Variants in CSTF3 observed in about 807,000 individuals in gnomAD.
The protein encoded by CSTF3 is cleavage stimulation factor subunit 3, also known as CF-1 77 kDa subunit.
A neutral mutation model predicts 105.8 loss-of-function variants in CSTF3; 29 were observed. That is an observed-to-expected ratio of 0.27 (90% CI 0.20 to 0.37). The LOEUF is 0.37. Among genes scored for constraint, CSTF3 ranks in the 10% least tolerant of loss-of-function variants. The pLI, the probability that CSTF3 is intolerant of heterozygous loss-of-function variation, is 1.00. For missense variants in CSTF3, 357 were observed against 879.3 expected, an observed-to-expected ratio of 0.41 and a Z score of 7.51; for synonymous variants, 252 against 281.9, an observed-to-expected ratio of 0.89 and a Z score of 1.06.
intron 1 of CSTF3, among the ~76,000 whole-genome samples, chr11:33,148,419 G>A (rs1049380308): frequency 9.9e-5 from 15 of 152,180 alleles, no homozygotes; most frequent in East Asian, 1.9e-4. Flanking sequence ...ATGGCTCATC[G>A]GGTGCAGTGG....
intron 14 of CSTF3, 24 bp from the exon 15 acceptor site, chr11:33,096,432 C>T (rs1855223823): frequency 4.2e-6 from 6 of 1,426,948 alleles, no homozygotes; most frequent in Non-Finnish European, 5.8e-6. Context: ...AAGTAAAGTA[C>T]AGATTTCCAT....
At chr11:33,098,969 G>GA (rs1028359266) in intron 12 of CSTF3, 65 bp downstream of exon 12, 89 of 1,519,866 alleles carry the variant, frequency 5.9e-5, no homozygotes, top group Non-Finnish European at 7.4e-5. Context: ...CAAGCAGCCA[G>GA]AAAAAAAGTT....
At chr11:33,096,263 G>T in intron 15 of CSTF3, 43 bp downstream of exon 15, 2 of 1,269,724 alleles carry the variant, frequency 1.6e-6, no homozygotes, top group Non-Finnish European at 1.1e-6. Flanking sequence ...ATTCCACATG[G>T]TTTAATATTA....
rs1194360674 is a variant in CSTF3, at chr11:33,157,321, C to CGGT, written c.27+3977_27+3978insACC. ...AGTGAGCCGAGACCGTGCCACTGCACTCCAGCCTGGGCAACAGAGCAAGAC... is the reference window on the plus strand; with the variant it reads ...AGTGAGCCGAGACCGTGCCACTGCACGGTTCCAGCCTGGGCAACAGAGCAAGAC... On this transcript the variant is annotated intron_variant, in intron 1 of 20. Coordinates refer to ENST00000323959, the MANE Select transcript of CSTF3 (RefSeq NM_001326.3). Among the ~76,000 whole-genome samples the CGGT allele has an allele frequency of 8.7e-3, 1,322 of 152,230 alleles. 19 individuals carry two copies. The highest frequency in any genetic ancestry group is 0.03 in the African/African-American group (1,235 of 41,540).
At chr11:33,121,259 TTC>T (rs1855486510) in intron 3 of CSTF3, among the ~76,000 whole-genome samples, 1 of 152,016 alleles carries the variant, frequency 6.6e-6, no homozygotes, top group South Asian at 2.1e-4. Flanking sequence ...AGACGTGAAT[TTC>T]TTTTTTCTAA....
intron 15 of CSTF3, among the ~76,000 whole-genome samples, chr11:33,093,568 C>T (rs1428360653): frequency 6.6e-6 from 1 of 152,132 alleles, no homozygotes; most frequent in Admixed American, 6.6e-5. Context: ...ATTTAATCAA[C>T]CTAATATATC....
chr11:33,150,219 T>TAAAAAAAAAAAA (rs10714096), intron 1 of CSTF3, among the ~76,000 whole-genome samples: 3 of 104,358 alleles, frequency 2.9e-5, no homozygotes, highest in East Asian at 2.8e-4. Context: ...TGTCTCAAAC[T>TAAAAAAAAAAAA]AAAAAAAAAA....
At position 33,086,007 on chromosome 11, in the gene CSTF3, G is replaced by A. The variant is rs773457140; in HGVS notation, c.1796-18C>T. On this transcript the variant is annotated intron_variant, in intron 18 of 20. Transcript: ENST00000323959. ...ACCTGGAGCTGTGAGAAAAAGAAAA[G>A]TATGAATCAAGTGGAATGGAAGAAT... 2.9e-5 allele frequency: 41 copies of A among 1,436,410 alleles called. No individual in the cohort carries two copies. The highest frequency in any genetic ancestry group is 3.7e-5 in the Non-Finnish European group (40 of 1,084,320). 89.0% of individuals were successfully genotyped at this position (1,436,410 alleles called of 1,614,324 possible).
chr11:33,104,059 T>C (rs973687839), intron 8 of CSTF3, among the ~76,000 whole-genome samples: 18 of 152,326 alleles, frequency 1.2e-4, no homozygotes, highest in African/African-American at 4.1e-4. Context: ...ACTCCTGGCC[T>C]CAGGCAATCC....
intron 3 of CSTF3, among the ~76,000 whole-genome samples, chr11:33,112,070 G>A (rs987215994): frequency 5.5e-4 from 84 of 152,074 alleles, no homozygotes; most frequent in African/African-American, 1.9e-3. Flanking sequence ...CCTGGCCAAC[G>A]TGATGAAACC....
In CSTF3 at chr11:33,158,475, A is replaced by C. The variant is rs114738014; in HGVS notation, c.27+2824T>G. 1.7e-3 allele frequency among the ~76,000 whole-genome samples: 266 copies of C among 152,330 alleles called. 1 individual carries two copies. Among genetic ancestry groups the C allele is most frequent in the African/African-American group, 4.8e-3 (201 of 41,578 alleles). On this transcript the variant is annotated intron_variant, in intron 1 of 20. Coordinates refer to ENST00000323959, the MANE Select transcript of CSTF3 (RefSeq NM_001326.3). ...GAATTGTGGGTTTTAAAAACAAAAC[A>C]AAACCACCATTTGCTACTTCCAATG...
intron 3 of CSTF3, among the ~76,000 whole-genome samples, chr11:33,126,495 T>G (rs567977616): frequency 2.0e-5 from 3 of 152,122 alleles, no homozygotes; most frequent in Non-Finnish European, 4.4e-5. Context: ...TACATCAACA[T>G]AATTCTAAAT....
intron 1 of CSTF3, among the ~76,000 whole-genome samples, chr11:33,155,692 GT>G (rs1416897056): frequency 2.0e-5 from 3 of 152,082 alleles, no homozygotes; most frequent in Admixed American, 6.6e-5. Context: ...TCTAAAGATA[GT>G]TTAAACAACT....
intron 1 of CSTF3, 23 bp downstream of exon 1, chr11:33,161,276 G>A (rs1467312366): frequency 1.2e-6 from 2 of 1,612,762 alleles, no homozygotes; most frequent in East Asian, 4.5e-5. Flanking sequence ...TCGCCACGAG[G>A]CCCCACCACT....
In CSTF3 at chr11:33,099,263, A is replaced by T; in HGVS notation, c.937-113T>A. ...TATTTATGTGTCTAAGAAAGCATAC[A>T]TGTATGTACACACATATATATGTAT... On this transcript the variant is annotated intron_variant, in intron 11 of 20. Coordinates refer to ENST00000323959, the MANE Select transcript of CSTF3 (RefSeq NM_001326.3). The surrounding 1 kb of genome is among the most constrained non-coding windows in gnomAD (Gnocchi z 4.1). 1 of 1,246,618 alleles carries T rather than the reference A, an allele frequency of 8.0e-7. No individual in the cohort carries two copies. Among genetic ancestry groups the T allele is most frequent in the Non-Finnish European group, 1.1e-6 (1 of 904,784 alleles). The allele number at this position is 1,246,618 out of a possible 1,614,324, so 77.2% of individuals were successfully genotyped here. A position where few individuals can be genotyped will look rare whatever the true frequency, so the allele number is the denominator to read the frequency against.
rs1406964078 is a variant in CSTF3 at position 33,096,286 on chromosome 11, A to G, written c.1375+20T>C. The G allele has an allele frequency of 1.4e-6, 2 of 1,394,114 alleles. No homozygotes were observed. Among genetic ancestry groups the G allele is most frequent in the African/African-American group, 3.0e-5 (2 of 67,690 alleles). 86.4% of individuals were successfully genotyped at this position (1,394,114 alleles called of 1,614,324 possible). A position where few individuals can be genotyped will look rare whatever the true frequency, so the allele number is the denominator to read the frequency against. On this transcript the variant is annotated intron_variant, in intron 15 of 20. Transcript: ENST00000323959. ...TGGTTTAATATTAAGTAATCATTAT[A>G]GATTCTAGAATCAACCTACCATTGA...
chr11:33,108,404 AT>A lies in CSTF3; in HGVS notation c.239del (p.Asn80IlefsTer14). ...LYIEAEIKAK[N>X]YDKVEKLFQR... ...GACTCACCTTTTCAACCTTGTCATA[AT>A]TTTTAGCTTTAATCTGAAGAGAAAC... On this transcript the variant is annotated frameshift_variant, in exon 4 of 21. Coordinates refer to ENST00000323959, the MANE Select transcript of CSTF3 (RefSeq NM_001326.3). LOFTEE classifies it high-confidence loss of function. 1.3e-6 allele frequency: 2 copies of A among 1,485,372 alleles called. No homozygotes were observed. Among genetic ancestry groups the A allele is most frequent in the South Asian group, 1.3e-5 (1 of 75,438 alleles). 92.0% of individuals were successfully genotyped at this position (1,485,372 alleles called of 1,614,324 possible).
chr11:33,130,429 C>A (rs1479275678), intron 3 of CSTF3, among the ~76,000 whole-genome samples: 1 of 152,030 alleles, frequency 6.6e-6, no homozygotes, highest in African/African-American at 2.4e-5. Context: ...GCCAAGATTG[C>A]GCCACTACAC....
chr11:33,148,860 G>GTTTT (rs551371475), intron 1 of CSTF3, among the ~76,000 whole-genome samples: 2 of 133,664 alleles, frequency 1.5e-5, no homozygotes, highest in South Asian at 2.4e-4. Context: ...CTGTTGCTGT[G>GTTTT]TTTTTTTTTT....
Sources: gnomAD v4.1 joint callset for allele counts (sites outside exome capture counted in the v4.1 genomes callset) on GRCh38, gnomAD v4.1.1 for gene constraint, Gnocchi (gnomAD v3.1) non-coding constraint, MANE v1.5 for transcripts, NCBI Gene and HGNC (gene_info 2026-07-23, HGNC 2026-07-21) for gene names.